The following HDAC4 variants were observed in gnomAD, a reference collection of about 807,000 sequenced individuals.
The protein encoded by HDAC4 is histone deacetylase 4, also known as histone deacetylase A.
HDAC4 carries 16 observed loss-of-function variants against 135.1 expected under a neutral mutation model. The ratio of observed to expected loss-of-function variants is 0.12; its 90% CI spans 0.08 to 0.18. The LOEUF (loss-of-function observed/expected upper bound fraction) is 0.18. Among genes scored for constraint, HDAC4 ranks in the 10% least tolerant of loss-of-function variants. The probability of loss-of-function intolerance (pLI) is 1.00; values close to 1 mark genes in which losing one functional copy is unlikely to be tolerated. For missense variants in HDAC4, 1,143 were observed against 1,511.8 expected (o/e 0.76, Z 4.05); for synonymous variants, 685 against 653.4 (o/e 1.05, Z -0.74).
At chr2:239,093,780 T>C (rs1437537630) in intron 17 of HDAC4, among the ~76,000 whole-genome samples, 2 of 152,224 alleles carry the variant, frequency 1.3e-5, no homozygotes, top group Non-Finnish European at 2.9e-5. Context: ...TTAGCTTTCA[T>C]TTGCAAATGA....
intron 11 of HDAC4, among the ~76,000 whole-genome samples, chr2:239,131,083 C>T (rs1265164495): frequency 2.6e-5 from 4 of 152,264 alleles, no homozygotes; most frequent in Non-Finnish European, 1.5e-5. Flanking sequence ...TGACCACGTG[C>T]GGAGTGCCGC....
chr2:239,097,046 C>A (rs1412423485), intron 16 of HDAC4, among the ~76,000 whole-genome samples: 1 of 152,218 alleles, frequency 6.6e-6, no homozygotes, highest in Admixed American at 6.5e-5. Context: ...CGGCCCCCAT[C>A]TGCTAGGAGG....
At position 239,048,428 on chromosome 2, in the gene HDAC4, A is replaced by C. The variant is rs1007772329; in HGVS notation, c.*4669T>G. 1 of 152,232 alleles carries C rather than the reference A, an allele frequency of 6.6e-6. No individual in the cohort carries two copies. Among genetic ancestry groups the C allele is most frequent in the Non-Finnish European group, 1.5e-5 (1 of 68,038 alleles). 9.4% of individuals were successfully genotyped at this position (152,232 alleles called of 1,614,324 possible). On this transcript the variant is annotated 3_prime_UTR_variant, in exon 27 of 27. Transcript: ENST00000543185. ...GAAACGGATTAAATTACAGAGGTGA[A>C]TGGTGGCCACGGCCAGTGCGCAGCT...
intron 16 of HDAC4, among the ~76,000 whole-genome samples, chr2:239,102,312 G>A (rs186862376): frequency 2.6e-4 from 40 of 152,312 alleles, no homozygotes; most frequent in African/African-American, 9.4e-4. Flanking sequence ...CTCTCCATGA[G>A]GCTAAAATTC....
chr2:239,090,858 T>A (rs904570990), intron 17 of HDAC4, among the ~76,000 whole-genome samples: 1 of 152,194 alleles, frequency 6.6e-6, no homozygotes, highest in African/African-American at 2.4e-5. Flanking sequence ...GTCAAATAAT[T>A]AGCAGCAAAA....
intron 2 of HDAC4, among the ~76,000 whole-genome samples, chr2:239,265,513 G>C (rs2049665789): frequency 6.6e-6 from 1 of 152,238 alleles, no homozygotes; most frequent in Non-Finnish European, 1.5e-5. Flanking sequence ...CTGCATGTGG[G>C]ACAGGTGAAG....
chr2:239,117,271 C>T (rs1034763754), intron 12 of HDAC4, among the ~76,000 whole-genome samples: 1 of 152,160 alleles, frequency 6.6e-6, no homozygotes, highest in Non-Finnish European at 1.5e-5. Flanking sequence ...AGCAGGTGCA[C>T]GTTCTAGAAG....
intron 2 of HDAC4, among the ~76,000 whole-genome samples, chr2:239,342,604 T>C (rs1692360147): frequency 6.6e-6 from 1 of 152,182 alleles, no homozygotes; most frequent in Non-Finnish European, 1.5e-5. Context: ...TCCTGAACAC[T>C]GTGTTTCAAG....
intron 3 of HDAC4, among the ~76,000 whole-genome samples, chr2:239,205,228 C>G (rs2045973558): frequency 6.6e-6 from 1 of 152,156 alleles, no homozygotes; most frequent in South Asian, 2.1e-4. Flanking sequence ...GACAATTTTC[C>G]AGAACTGGTG....
intron 1 of HDAC4, among the ~76,000 whole-genome samples, chr2:239,398,783 C>A (rs1341340195): frequency 3.9e-5 from 6 of 152,252 alleles, no homozygotes; most frequent in African/African-American, 1.4e-4. Flanking sequence ...GCCTTCCAGG[C>A]CCATATGCAG....
chr2:239,280,738 C>T (rs1022118590), intron 2 of HDAC4, among the ~76,000 whole-genome samples: 3 of 152,072 alleles, frequency 2.0e-5, no homozygotes, highest in Non-Finnish European at 4.4e-5. Flanking sequence ...CATGCACACA[C>T]GTGTGTAAAC....
At chr2:239,184,177 A>G (rs2044338775) in intron 4 of HDAC4, among the ~76,000 whole-genome samples, 1 of 151,990 alleles carries the variant, frequency 6.6e-6, no homozygotes, top group South Asian at 2.1e-4. Context: ...AGGGAAGAAA[A>G]GGCACGCCTT....
chr2:239,321,397 G>A (rs933478839), intron 2 of HDAC4, among the ~76,000 whole-genome samples: 2 of 147,720 alleles, frequency 1.4e-5, no homozygotes, highest in African/African-American at 2.5e-5. Flanking sequence ...CCCGGGAGAC[G>A]GAGCTTGCAG....
chr2:239,322,242 C>A (rs1433041836), intron 2 of HDAC4, among the ~76,000 whole-genome samples: 1 of 152,242 alleles, frequency 6.6e-6, no homozygotes, highest in Non-Finnish European at 1.5e-5. Context: ...AGTGAAGGCC[C>A]CCTGTCTCCA....
intron 24 of HDAC4, among the ~76,000 whole-genome samples, chr2:239,065,514 A>T (rs1009169024): frequency 6.6e-6 from 1 of 152,160 alleles, no homozygotes; most frequent in African/African-American, 2.4e-5. Context: ...CTGAGCATCA[A>T]ATGGGGGTGA....
Position 239,053,455 on chromosome 2 carries a change from C to T in HDAC4, c.3230+5G>A, listed in dbSNP as rs1216853284. 5.0e-6 allele frequency: 8 copies of T among 1,612,222 alleles called. No individual in the cohort carries two copies. The highest frequency in any genetic ancestry group is 2.2e-5 in the East Asian group (1 of 44,850). On this transcript the variant is annotated splice_donor_5th_base_variant and intron_variant, in intron 26 of 26. Coordinates refer to ENST00000543185, the MANE Select transcript of HDAC4 (RefSeq NM_001378414.1). ...CTGCAGGCGGGCGGCAGGGCAGGTGCTCACCTCTTTTCGGCGGGCTTCACG... is the reference window on the plus strand; with the variant it reads ...CTGCAGGCGGGCGGCAGGGCAGGTGTTCACCTCTTTTCGGCGGGCTTCACG...
intron 2 of HDAC4, among the ~76,000 whole-genome samples, chr2:239,332,284 C>T (rs140222435): frequency 5.9e-5 from 9 of 152,244 alleles, no homozygotes; most frequent in Admixed American, 1.3e-4. Context: ...CAAATCTCCA[C>T]GGCTGACTTC....
chr2:239,396,396 C>T (rs781090253), intron 1 of HDAC4, among the ~76,000 whole-genome samples: 5 of 152,124 alleles, frequency 3.3e-5, no homozygotes, highest in South Asian at 2.1e-4. Flanking sequence ...AATTTCCATA[C>T]ATTAACTTAA....
Position 239,331,806 on chromosome 2 carries a change from C to T in HDAC4, c.22+20872G>A. 6.6e-6 allele frequency among the ~76,000 whole-genome samples: 1 copy of T among 152,138 alleles called. No homozygotes were observed. Among genetic ancestry groups the T allele is most frequent in the Non-Finnish European group, 1.5e-5 (1 of 68,036 alleles). ...AGAGAAGGGAGGTGGAAAGAGGGCACACTCGGCCCGCGTGTCCTCCAGAGG... is the reference window on the plus strand; with the variant it reads ...AGAGAAGGGAGGTGGAAAGAGGGCATACTCGGCCCGCGTGTCCTCCAGAGG... On this transcript the variant is annotated intron_variant, in intron 2 of 26. Coordinates refer to ENST00000543185, the MANE Select transcript of HDAC4 (RefSeq NM_001378414.1). This position sits in a 1 kb window ranked among gnomAD's most constrained non-coding sequence, Gnocchi z 4.5.
Sources: allele counts gnomAD v4.1 joint callset (sites outside exome capture counted in the v4.1 genomes callset), GRCh38; gene constraint gnomAD v4.1.1; non-coding constraint Gnocchi (gnomAD v3.1); transcripts MANE v1.5; gene names NCBI Gene and HGNC (gene_info 2026-07-23, HGNC 2026-07-21).